The following WDR25 variants were observed in gnomAD, a reference collection of about 807,000 sequenced individuals.
The protein encoded by WDR25 is WD repeat domain 25, also known as WD repeat-containing protein 25.
Under a neutral mutation model 47.7 loss-of-function variants are expected in WDR25, and 35 were observed. The observed-to-expected ratio is 0.73, with a 90% CI of 0.56 to 0.97. The LOEUF (loss-of-function observed/expected upper bound fraction) is 0.97. Ranked by LOEUF, WDR25 falls within the 50% of genes least tolerant of loss-of-function variation. The pLI is 0.00. For missense variants in WDR25, 634 were observed against 704.7 expected, an observed-to-expected ratio of 0.90 and a Z score of 1.14; for synonymous variants, 248 against 278.9, an observed-to-expected ratio of 0.89 and a Z score of 1.10.
intron 2 of WDR25, among the ~76,000 whole-genome samples, chr14:100,429,802 T>C (rs1898274264): frequency 6.6e-6 from 1 of 151,636 alleles, no homozygotes; most frequent in Non-Finnish European, 1.5e-5. Context: ...GTGTGCGTGC[T>C]GCTGGGGTGG....
Position 100,381,234 on chromosome 14 carries a change from C to T in WDR25, c.310C>T (p.Gln104Ter). The T allele has an allele frequency of 1.2e-6, 2 of 1,613,894 alleles. No individual in the cohort carries two copies. Among genetic ancestry groups the T allele is most frequent in the Non-Finnish European group, 1.7e-6 (2 of 1,179,966 alleles). ...QRLQWPGKEP[Q>*]VTFPIKEPSC... ...GCTACAGTGGCCCGGGAAGGAGCCT[C>T]AAGTCACCTTCCCCATCAAAGAGCC... Residue 104 changes from glutamine to a stop codon, truncating the protein, a stop_gained, in exon 2 of 7, where the codon CAA (glutamine) becomes TAA (stop). Transcript: ENST00000402312. LOFTEE classifies it high-confidence loss of function.
At position 100,381,281 on chromosome 14, in the gene WDR25, G is replaced by A. The variant is rs756585230; in HGVS notation, c.357G>A (p.Thr119=). ...IKEPSCSSLW[T]SHVPASHMPL... The stretch of plus-strand genomic sequence containing the variant: ...AGCCTTCTTGTTCTTCTCTGTGGAC[G>A]AGCCATGTTCCAGCCAGCCACATGC... The change falls in exon 2 of 7, where the codon ACG becomes ACA. Residue 119 remains threonine, a synonymous_variant. Transcript: ENST00000402312. The A allele has an allele frequency of 1.2e-5, 20 of 1,614,124 alleles. No individual in the cohort carries two copies. The highest frequency in any genetic ancestry group is 1.7e-5 in the Non-Finnish European group (20 of 1,180,032).
intron 2 of WDR25, among the ~76,000 whole-genome samples, chr14:100,386,735 T>C (rs1376495724): frequency 6.6e-6 from 1 of 151,616 alleles, no homozygotes; most frequent in Non-Finnish European, 1.5e-5. Flanking sequence ...CTACTAAAAA[T>C]ACAAAAAATT....
chr14:100,421,926 G>A (rs963221712), intron 2 of WDR25, among the ~76,000 whole-genome samples: 6 of 152,146 alleles, frequency 3.9e-5, no homozygotes, highest in African/African-American at 1.4e-4. Context: ...GGATTCCACT[G>A]TATAAATAAG....
chr14:100,467,198 A>C (rs572285165), intron 2 of WDR25, among the ~76,000 whole-genome samples: 31 of 152,354 alleles, frequency 2.0e-4, no homozygotes, highest in African/African-American at 5.5e-4. Flanking sequence ...AGTGTAGCAC[A>C]TTCCTTTTTG....
intron 2 of WDR25, among the ~76,000 whole-genome samples, chr14:100,416,056 G>A (rs554229419): frequency 3.9e-5 from 6 of 152,344 alleles, no homozygotes; most frequent in Admixed American, 3.9e-4. Flanking sequence ...AGCAGATAGA[G>A]TGGGAAGCCA....
At chr14:100,487,879 G>A (rs1428289188) in intron 4 of WDR25, 5 of 152,216 alleles carry the variant, frequency 3.3e-5, no homozygotes, top group African/African-American at 1.2e-4. Flanking sequence ...AGCCTACATT[G>A]TGAAGGTAAG....
chr14:100,426,420 TTC>T (rs1306532679), intron 2 of WDR25, among the ~76,000 whole-genome samples: 3 of 152,256 alleles, frequency 2.0e-5, no homozygotes, highest in Non-Finnish European at 4.4e-5. Context: ...GTGTTCCAAG[TTC>T]TCTGAAGAAA....
chr14:100,446,744 T>C (rs1024759614), intron 2 of WDR25, among the ~76,000 whole-genome samples: 19 of 152,106 alleles, frequency 1.2e-4, no homozygotes, highest in African/African-American at 3.6e-4. Context: ...GACAGGCAGA[T>C]CAGCCAACGA....
intron 4 of WDR25, among the ~76,000 whole-genome samples, chr14:100,507,257 G>T (rs1901141928): frequency 6.6e-6 from 1 of 152,090 alleles, no homozygotes; most frequent in African/African-American, 2.4e-5. Flanking sequence ...TGTTTGATTG[G>T]GCTATGTGTC....
chr14:100,512,864 G>T (rs771003663), intron 4 of WDR25, among the ~76,000 whole-genome samples: 1 of 152,216 alleles, frequency 6.6e-6, no homozygotes, highest in East Asian at 1.9e-4. Context: ...AAGTGTGCTC[G>T]TTAGGTTCCA....
chr14:100,476,122 C>G (rs1220635156), intron 3 of WDR25, among the ~76,000 whole-genome samples: 1 of 152,214 alleles, frequency 6.6e-6, no homozygotes, highest in Admixed American at 6.5e-5. Context: ...CTAATTCTCA[C>G]AACCACCTTT....
chr14:100,422,519 T>A (rs373713491), intron 2 of WDR25, among the ~76,000 whole-genome samples: 8 of 152,198 alleles, frequency 5.3e-5, no homozygotes, highest in African/African-American at 1.9e-4. Context: ...GTAGACCTGT[T>A]TTCATACTGG....
At chr14:100,427,484 G>A (rs1044179200) in intron 2 of WDR25, among the ~76,000 whole-genome samples, 1 of 152,168 alleles carries the variant, frequency 6.6e-6, no homozygotes, top group Non-Finnish European at 1.5e-5. Flanking sequence ...AGTGACACAC[G>A]GTGCCTTGGA....
intron 2 of WDR25, among the ~76,000 whole-genome samples, chr14:100,434,878 C>T (rs1239242627): frequency 6.6e-6 from 1 of 152,182 alleles, no homozygotes; most frequent in Non-Finnish European, 1.5e-5. Context: ...GTAGAATATT[C>T]TGAATCCTCT....
intron 3 of WDR25, among the ~76,000 whole-genome samples, chr14:100,482,491 G>A (rs4072642): frequency 0.69 from 104,817 of 152,090 alleles, 37,107 homozygotes; most frequent in African/African-American, 0.85. Context: ...ACTTAACACA[G>A]ATATCTATAT....
chr14:100,452,768 A>T (rs1899079389), intron 2 of WDR25, among the ~76,000 whole-genome samples: 1 of 152,194 alleles, frequency 6.6e-6, no homozygotes, highest in Admixed American at 6.5e-5. Flanking sequence ...ATTGTAGGGC[A>T]AGAGTGGAAG....
At position 100,430,389 on chromosome 14, in the gene WDR25, A is replaced by G. The variant is rs927798867; in HGVS notation, c.823-37632A>G. ...GGTGCTGCTACTGGGGCCATATACC[A>G]TGAAGCCGAAATTCCTAGTCTGTTT... On this transcript the variant is annotated intron_variant, in intron 2 of 6. Transcript: ENST00000402312. The surrounding 1 kb of genome is among the most constrained non-coding windows in gnomAD (Gnocchi z 4.7). Among the ~76,000 whole-genome samples the G allele has an allele frequency of 4.6e-5, 7 of 152,180 alleles. No individual in the cohort carries two copies. The highest frequency in any genetic ancestry group is 1.7e-4 in the African/African-American group (7 of 41,430).
At chr14:100,513,699 T>G (rs577438260) in intron 4 of WDR25, among the ~76,000 whole-genome samples, 1 of 151,980 alleles carries the variant, frequency 6.6e-6, no homozygotes, top group African/African-American at 2.4e-5. Context: ...TCTTTTTTTT[T>G]TTTCTTTTTT....
Sources: gnomAD v4.1 joint callset for allele counts (sites outside exome capture counted in the v4.1 genomes callset) on GRCh38, gnomAD v4.1.1 for gene constraint, Gnocchi (gnomAD v3.1) non-coding constraint, MANE v1.5 for transcripts, NCBI Gene and HGNC (gene_info 2026-07-23, HGNC 2026-07-21) for gene names.